The following PTPRZ1 variants were observed in gnomAD, a reference collection of about 807,000 sequenced individuals.
PTPRZ1 encodes the protein receptor-type tyrosine-protein phosphatase zeta.
In PTPRZ1, 82 loss-of-function variants were observed where a neutral mutation model predicts 214.1. The observed-to-expected ratio is 0.38, with a 90% CI of 0.32 to 0.46. The LOEUF (loss-of-function observed/expected upper bound fraction) is 0.46, where lower values mean the gene tolerates loss of function less well. PTPRZ1 is among the 20% of genes least tolerant of loss of function. The pLI is 1.00. For missense variants in PTPRZ1, 2,603 were observed against 2,748.7 expected (o/e 0.95, Z 1.19); for synonymous variants, 945 against 987.9 (o/e 0.96, Z 0.81).
intron 28 of PTPRZ1, 66 bp downstream of exon 28, chr7:122,059,008 T>A: frequency 1.4e-6 from 2 of 1,426,636 alleles, no homozygotes; most frequent in Non-Finnish European, 1.9e-6. Flanking sequence ...ATTTCTGTTG[T>A]CTTCAGACAA....
At chr7:121,992,587 A>C (rs1353751073) in intron 8 of PTPRZ1, among the ~76,000 whole-genome samples, 1 of 152,184 alleles carries the variant, frequency 6.6e-6, no homozygotes, top group Non-Finnish European at 1.5e-5. Context: ...ATTTGGCCTA[A>C]ATGGCAGAAT....
At chr7:122,042,773 A>C in intron 22 of PTPRZ1, 30 bp downstream of exon 22, 2 of 1,587,452 alleles carry the variant, frequency 1.3e-6, no homozygotes, top group South Asian at 2.2e-5. Flanking sequence ...GATTTTATTC[A>C]TCTAAGGTAT....
intron 14 of PTPRZ1, among the ~76,000 whole-genome samples, chr7:122,029,989 A>T (rs906608424): frequency 1.3e-5 from 2 of 151,818 alleles, no homozygotes; most frequent in African/African-American, 4.8e-5. Context: ...TTACATTTTG[A>T]TTCCCTTCAC....
At chr7:121,927,403 T>A (rs1384211848) in intron 1 of PTPRZ1, among the ~76,000 whole-genome samples, 1 of 152,216 alleles carries the variant, frequency 6.6e-6, no homozygotes, top group Non-Finnish European at 1.5e-5. Flanking sequence ...GAAGCAGGCA[T>A]GGCTCCTGGC....
intron 1 of PTPRZ1, among the ~76,000 whole-genome samples, chr7:121,883,158 G>A (rs577530055): frequency 6.6e-6 from 1 of 152,312 alleles, no homozygotes; most frequent in African/African-American, 2.4e-5. Flanking sequence ...AGACAAGGCA[G>A]TAATTGACTC....
intron 19 of PTPRZ1, among the ~76,000 whole-genome samples, chr7:122,039,193 C>T (rs891974300): frequency 2.0e-5 from 3 of 152,160 alleles, no homozygotes; most frequent in Non-Finnish European, 4.4e-5. Context: ...AGTCTTGGCT[C>T]TGTAACCTGA....
At chr7:121,923,881 T>C (rs1380212503) in intron 1 of PTPRZ1, among the ~76,000 whole-genome samples, 1 of 151,982 alleles carries the variant, frequency 6.6e-6, no homozygotes. Context: ...TGTTTGCATA[T>C]TTGTAAGTGC....
chr7:121,999,486 T>C (rs940494313), intron 10 of PTPRZ1, among the ~76,000 whole-genome samples: 41 of 152,316 alleles, frequency 2.7e-4, no homozygotes, highest in African/African-American at 9.4e-4. Context: ...TGTGAATTGA[T>C]TGAAATATGG....
intron 11 of PTPRZ1, among the ~76,000 whole-genome samples, chr7:122,005,108 G>A (rs1324824206): frequency 1.3e-5 from 2 of 151,636 alleles, no homozygotes; most frequent in East Asian, 3.9e-4. Flanking sequence ...TATATTTTTT[G>A]CCCATTTAAA....
chr7:121,928,453 C>G (rs1181508749), intron 2 of PTPRZ1, among the ~76,000 whole-genome samples: 1 of 152,106 alleles, frequency 6.6e-6, no homozygotes, highest in Admixed American at 6.5e-5. Flanking sequence ...ATTTGAAGCT[C>G]AGGCCCAAGC....
intron 8 of PTPRZ1, among the ~76,000 whole-genome samples, chr7:121,990,896 A>G (rs1797940304): frequency 6.6e-6 from 1 of 152,226 alleles, no homozygotes; most frequent in Admixed American, 6.5e-5. Context: ...TAGCAAAAGT[A>G]TGAAGTAGAT....
chr7:121,925,694 A>G (rs150116063), intron 1 of PTPRZ1, among the ~76,000 whole-genome samples: 153 of 152,338 alleles, frequency 1.0e-3, no homozygotes, highest in African/African-American at 3.6e-3. Flanking sequence ...GCCATAAGCT[A>G]TCTGTATTTG....
intron 29 of PTPRZ1, 128 bp from the exon 30 acceptor site, chr7:122,060,952 A>G: frequency 1.2e-6 from 1 of 800,874 alleles, no homozygotes; most frequent in Non-Finnish European, 1.8e-6. Context: ...TGCTGAGTAT[A>G]ACAGTGCCCT....
At chr7:122,043,550 G>A (rs1011646338) in intron 22 of PTPRZ1, among the ~76,000 whole-genome samples, 34 of 152,164 alleles carry the variant, frequency 2.2e-4, no homozygotes, top group African/African-American at 8.2e-4. Context: ...GGAAACCTAT[G>A]AATGGCAGCT....
In PTPRZ1 at chr7:122,013,326, A is replaced by G; in HGVS notation, c.4280A>G (p.Asp1427Gly). The change falls in exon 12 of 30, where the codon GAT becomes GGT. Residue 1427 changes from aspartate to glycine, a missense_variant. Coordinates refer to ENST00000393386, the MANE Select transcript of PTPRZ1 (RefSeq NM_002851.3). ...EDGDTDDDGD[D>G]DDDDRGSDGL... ...GGTGACACTGATGATGATGGTGATG[A>G]TGATGATGATGACAGAGGTAGTGAT... The G allele has an allele frequency of 6.3e-7, 1 of 1,581,544 alleles. No homozygotes were observed.
intron 6 of PTPRZ1, among the ~76,000 whole-genome samples, chr7:121,977,458 T>G (rs1797476487): frequency 6.6e-6 from 1 of 152,208 alleles, no homozygotes; most frequent in Admixed American, 6.5e-5. Flanking sequence ...CCTATTAATT[T>G]TACTATTTTA....
chr7:122,024,626 GTAT>G (rs1410991076), intron 13 of PTPRZ1, among the ~76,000 whole-genome samples: 1 of 151,468 alleles, frequency 6.6e-6, no homozygotes, highest in Non-Finnish European at 1.5e-5. Flanking sequence ...AAGCTTTTTG[GTAT>G]TATTTATAAG....
intron 2 of PTPRZ1, among the ~76,000 whole-genome samples, chr7:121,965,446 C>T (rs948173201): frequency 6.6e-6 from 1 of 152,080 alleles, no homozygotes; most frequent in Non-Finnish European, 1.5e-5. Context: ...TCTCAGCTCC[C>T]AGAGGCAGGT....
chr7:122,057,944 T>C (rs1210396545), intron 27 of PTPRZ1, among the ~76,000 whole-genome samples: 1 of 129,524 alleles, frequency 7.7e-6, no homozygotes, highest in Non-Finnish European at 1.6e-5. Context: ...CAGTCATTCA[T>C]ATAGTGTGTG....
Sources: gnomAD v4.1 joint callset for allele counts (sites outside exome capture counted in the v4.1 genomes callset) on GRCh38, gnomAD v4.1.1 for gene constraint, MANE v1.5 for transcripts, NCBI Gene and HGNC (gene_info 2026-07-23, HGNC 2026-07-21) for gene names.